The following PNPLA7 variants were observed in gnomAD, a reference collection of about 807,000 sequenced individuals.
PNPLA7 encodes the protein patatin-like phospholipase domain-containing protein 7.
A neutral mutation model predicts 161.7 loss-of-function variants in PNPLA7; 153 were observed. That is an observed-to-expected ratio of 0.95 (90% confidence interval 0.83 to 1.08). PNPLA7 has a LOEUF of 1.08. Among genes scored for constraint, PNPLA7 ranks in the 50% least tolerant of loss-of-function variants. The pLI, the probability that PNPLA7 is intolerant of heterozygous loss-of-function variation, is 0.00. For synonymous variants in PNPLA7, 809 were observed against 782.1 expected (o/e 1.03, Z -0.57); for missense variants, 1,739 against 1,856.6 (o/e 0.94, Z 1.16).
At chr9:137,502,563 G>C (rs1328387759) in intron 14 of PNPLA7, among the ~76,000 whole-genome samples, 1 of 144,906 alleles carries the variant, frequency 6.9e-6, no homozygotes, top group Admixed American at 7.0e-5. Context: ...TGACGGAGAG[G>C]CCGCATCGCC....
chr9:137,519,089 C>A (rs900584126), intron 11 of PNPLA7, among the ~76,000 whole-genome samples: 1 of 152,084 alleles, frequency 6.6e-6, no homozygotes, highest in Non-Finnish European at 1.5e-5. Flanking sequence ...CTCCATCCCC[C>A]ACTCACTCAC....
chr9:137,522,562 G>A (rs1015157138), intron 9 of PNPLA7, among the ~76,000 whole-genome samples, 167 bp downstream of exon 9: 8 of 152,200 alleles, frequency 5.3e-5, no homozygotes, highest in African/African-American at 1.4e-4. Flanking sequence ...GGTAAGTCCC[G>A]CCAATGAAGT....
chr9:137,480,288 T>A, intron 23 of PNPLA7, 24 bp downstream of exon 23: 4 of 1,605,770 alleles, frequency 2.5e-6, no homozygotes, highest in Non-Finnish European at 3.4e-6. Flanking sequence ...TCTCCCCAGC[T>A]CCACCGGCCC....
intron 14 of PNPLA7, among the ~76,000 whole-genome samples, chr9:137,501,972 C>T (rs901830583): frequency 6.6e-6 from 1 of 152,208 alleles, no homozygotes; most frequent in African/African-American, 2.4e-5. Context: ...GCAGAAAATG[C>T]AGAAACAGAC....
At chr9:137,494,367 G>C (rs1049453369) in intron 19 of PNPLA7, among the ~76,000 whole-genome samples, 2 of 152,084 alleles carry the variant, frequency 1.3e-5, no homozygotes, top group Non-Finnish European at 2.9e-5. Flanking sequence ...ACTGTCCTGG[G>C]AAGCAGCCTG....
chr9:137,495,222 C>T lies in PNPLA7; in HGVS notation c.2014-76G>A, dbSNP rs375486512. 4.5e-4 allele frequency: 471 copies of T among 1,044,486 alleles called. 7 individuals carry two copies. In the South Asian group the frequency reaches 6.1e-3, roughly 14 times the overall value. The allele number at this position is 1,044,486 out of a possible 1,614,324, so 64.7% of individuals were successfully genotyped here. A position where few individuals can be genotyped will look rare whatever the true frequency, so the allele number is the denominator to read the frequency against. On this transcript the variant is annotated intron_variant, in intron 18 of 34. Transcript: ENST00000406427. The stretch of plus-strand genomic sequence containing the variant: ...AGCTGGACCTGTCCCTGACAGCCTC[C>T]GGTGCCTGCCAGAGCCACACATGAC...
chr9:137,508,438 G>T (rs543728438), intron 12 of PNPLA7, among the ~76,000 whole-genome samples: 66 of 151,924 alleles, frequency 4.3e-4, no homozygotes, highest in Non-Finnish European at 8.2e-4. Context: ...ATGGTGGTGG[G>T]CGCCTGTAAT....
rs1833163920 is a variant in PNPLA7 at position 137,498,098 on chromosome 9, G to A, written c.1889+16C>T. ...GGGCAGCATGGATGCGGAGTGTGTG[G>A]CACCCACGGCCTCACCTGTATATTG... On this transcript the variant is annotated intron_variant, in intron 17 of 34. Coordinates refer to ENST00000406427, the MANE Select transcript of PNPLA7 (RefSeq NM_001098537.3). The A allele has an allele frequency of 5.0e-6, 8 of 1,610,434 alleles. No homozygotes were observed. Among genetic ancestry groups the A allele is most frequent in the Non-Finnish European group, 6.8e-6 (8 of 1,178,352 alleles).
At chr9:137,481,067 A>C in intron 21 of PNPLA7, 44 bp from the exon 22 acceptor site, 1 of 1,544,230 alleles carries the variant, frequency 6.5e-7, no homozygotes, top group Non-Finnish European at 8.8e-7. Flanking sequence ...TGGGCAGCCC[A>C]CCTCCAACGC....
intron 11 of PNPLA7, among the ~76,000 whole-genome samples, chr9:137,516,905 G>C (rs1251667919): frequency 6.6e-6 from 1 of 151,752 alleles, no homozygotes; most frequent in Non-Finnish European, 1.5e-5. Flanking sequence ...GCGTTTAAAG[G>C]TGGCTGTGAT....
intron 8 of PNPLA7, among the ~76,000 whole-genome samples, chr9:137,538,383 C>T (rs926434752): frequency 1.3e-5 from 2 of 152,014 alleles, no homozygotes; most frequent in African/African-American, 4.8e-5. Flanking sequence ...CTGGACACCC[C>T]GATGTCTGGC....
At chr9:137,503,845 GAAGGAAGAA>G (rs1833702320) in intron 14 of PNPLA7, among the ~76,000 whole-genome samples, 1 of 61,258 alleles carries the variant, frequency 1.6e-5, no homozygotes, top group African/African-American at 7.5e-5. Flanking sequence ...GCAAGAAGAA[GAAGGAAGAA>G]GAAGAAGGAG....
chr9:137,547,493 G>A lies in PNPLA7; in HGVS notation c.105+92C>T. On this transcript the variant is annotated intron_variant, in intron 2 of 34. Coordinates refer to ENST00000406427, the MANE Select transcript of PNPLA7 (RefSeq NM_001098537.3). This position sits in a 1 kb window ranked among gnomAD's most constrained non-coding sequence, Gnocchi z 4.6. ...ACCCCTGGCTGCCCAACCACAGGCTGGGCAGGAATGAGCCAGGGGATGGGG... is the reference window on the plus strand; with the variant it reads ...ACCCCTGGCTGCCCAACCACAGGCTAGGCAGGAATGAGCCAGGGGATGGGG... 3 of 1,591,292 alleles carry A rather than the reference G, an allele frequency of 1.9e-6. No homozygotes were observed. The highest frequency in any genetic ancestry group is 8.6e-7 in the Non-Finnish European group (1 of 1,160,452).
rs1011791857 is a variant in PNPLA7, at chr9:137,550,359, T to C, written c.-162A>G. On this transcript the variant is annotated 5_prime_UTR_variant, in exon 1 of 35. Coordinates refer to ENST00000406427, the MANE Select transcript of PNPLA7 (RefSeq NM_001098537.3). The stretch of plus-strand genomic sequence containing the variant: ...AGGAAAATCCTGCTGAAAAAGTCTG[T>C]TCTCCAGGAAGAAAAGCTGTCTTTT... The C allele has an allele frequency of 7.7e-6, 6 of 776,178 alleles. No homozygotes were observed. In the Admixed American group the frequency reaches 1.3e-4, roughly 17 times the overall value. The allele number at this position is 776,178 out of a possible 1,614,324, so 48.1% of individuals were successfully genotyped here.
In PNPLA7 at chr9:137,523,295, G is replaced by A. The variant is rs1368148047; in HGVS notation, c.748-438C>T. The stretch of plus-strand genomic sequence containing the variant: ...AAAAAGGCCACCGAGAGGGTCAGGA[G>A]CCACCACTGTCAAATGCCCACCGCC... On this transcript the variant is annotated intron_variant, in intron 8 of 34. Transcript: ENST00000406427. This position sits in a 1 kb window ranked among gnomAD's most constrained non-coding sequence, Gnocchi z 4.4. 1.3e-5 allele frequency among the ~76,000 whole-genome samples: 2 copies of A among 152,126 alleles called. No homozygotes were observed. Among genetic ancestry groups the A allele is most frequent in the Non-Finnish European group, 2.9e-5 (2 of 68,008 alleles).
chr9:137,462,871 C>T (rs1831285706), intron 29 of PNPLA7, 38 bp from the exon 30 acceptor site: 2 of 1,607,790 alleles, frequency 1.2e-6, no homozygotes, highest in Admixed American at 1.7e-5. Context: ...CCTGGACAGG[C>T]ATGCAGAGCC....
intron 1 of PNPLA7, among the ~76,000 whole-genome samples, chr9:137,549,616 G>GAAACCCGCACTTA (rs1836740702): frequency 6.8e-6 from 1 of 146,162 alleles, no homozygotes; most frequent in Admixed American, 6.9e-5. Flanking sequence ...CCAACATGGC[G>GAAACCCGCACTTA]AAACCCCGTT....
intron 12 of PNPLA7, among the ~76,000 whole-genome samples, chr9:137,508,522 G>A (rs766051176): frequency 1.9e-4 from 29 of 151,310 alleles, no homozygotes; most frequent in Non-Finnish European, 3.7e-4. Flanking sequence ...AGCTGAGATC[G>A]CACTATTGCA....
At chr9:137,502,344 C>T (rs1408107281) in intron 14 of PNPLA7, among the ~76,000 whole-genome samples, 1 of 152,050 alleles carries the variant, frequency 6.6e-6, no homozygotes, top group Non-Finnish European at 1.5e-5. Context: ...ATAAGAAGCC[C>T]CACCCAGCAT....
Sources: gnomAD v4.1 joint callset for allele counts (sites outside exome capture counted in the v4.1 genomes callset) on GRCh38, gnomAD v4.1.1 for gene constraint, Gnocchi (gnomAD v3.1) non-coding constraint, MANE v1.5 for transcripts, NCBI Gene and HGNC (gene_info 2026-07-23, HGNC 2026-07-21) for gene names.